The following SPAG17 variants were observed in gnomAD, a reference collection of about 807,000 sequenced individuals.
SPAG17 encodes sperm associated antigen 17, also known as sperm-associated antigen 17.
In SPAG17, 169 loss-of-function variants were observed where a neutral mutation model predicts 273.6. The observed-to-expected ratio is 0.62, with a 90% CI of 0.55 to 0.70. SPAG17 has a LOEUF of 0.70. Ranked by LOEUF, SPAG17 falls within the 30% of genes least tolerant of loss-of-function variation. The pLI is 0.00. For missense variants in SPAG17, 2,557 were observed against 2,627.8 expected, an observed-to-expected ratio of 0.97 and a Z score of 0.59; for synonymous variants, 825 against 873.2, an observed-to-expected ratio of 0.94 and a Z score of 0.97.
At chr1:118,146,974 A>G (rs1456256058) in intron 3 of SPAG17, among the ~76,000 whole-genome samples, 1 of 152,030 alleles carries the variant, frequency 6.6e-6, no homozygotes, top group African/African-American at 2.4e-5. Context: ...CCTGCCAACT[A>G]CCCCAGCTAA....
Position 118,039,322 on chromosome 1 carries a change from C to T in SPAG17, c.3289G>A (p.Glu1097Lys), listed in dbSNP as rs199872119. The change falls in exon 23 of 49, where the codon GAA (glutamate) becomes AAA (lysine). Residue 1097 changes from glutamate to lysine, a missense_variant. Glu to Lys is a moderately conservative substitution (Grantham distance 56, BLOSUM62 1). Coordinates refer to ENST00000336338, the MANE Select transcript of SPAG17 (RefSeq NM_206996.4). Reference protein sequence around the residue: ...KGDYYLEEEEEGDEEQSLETE... With the variant: ...KGDYYLEEEEKGDEEQSLETE... Reference sequence around the variant, plus strand: ...TCAAGACTTTGTTCCTCATCTCCTTCTTCTTCCTCTTCTAAATAATAATCC... The same window carrying T: ...TCAAGACTTTGTTCCTCATCTCCTTTTTCTTCCTCTTCTAAATAATAATCC... The T allele has an allele frequency of 5.0e-6, 8 of 1,613,334 alleles. No homozygotes were observed. The Admixed American group carries it at 1.2e-4, about 24-fold the overall frequency.
chr1:118,013,748 A>G (rs544230154), intron 29 of SPAG17, among the ~76,000 whole-genome samples: 1 of 152,322 alleles, frequency 6.6e-6, no homozygotes, highest in East Asian at 1.9e-4. Context: ...GTAACGCCAC[A>G]TAAACAGTGA....
chr1:118,045,759 T>C (rs889237376), intron 20 of SPAG17, among the ~76,000 whole-genome samples: 3 of 151,930 alleles, frequency 2.0e-5, no homozygotes, highest in African/African-American at 7.3e-5. Context: ...CTTGTGGGAG[T>C]GAGTTAATCT....
At chr1:117,990,715 C>T in intron 38 of SPAG17, 146 bp downstream of exon 38, 1 of 494,372 alleles carries the variant, frequency 2.0e-6, no homozygotes, top group Non-Finnish European at 3.7e-6. Flanking sequence ...AAATATAAAC[C>T]ACCACAACAC....
intron 36 of SPAG17, among the ~76,000 whole-genome samples, chr1:117,991,851 C>T (rs892679919): frequency 6.6e-6 from 1 of 152,086 alleles, no homozygotes. Context: ...GTGTAGGATC[C>T]TTTCAGGTAT....
chr1:118,042,663 A>G (rs534001114), intron 20 of SPAG17, among the ~76,000 whole-genome samples: 1 of 152,290 alleles, frequency 6.6e-6, no homozygotes, highest in East Asian at 1.9e-4. Flanking sequence ...CACTTCAGTT[A>G]TGACAGGAAA....
chr1:118,109,002 A>G (rs186488016), intron 4 of SPAG17, among the ~76,000 whole-genome samples: 2 of 152,222 alleles, frequency 1.3e-5, no homozygotes, highest in African/African-American at 4.8e-5. Flanking sequence ...AATATTTTAG[A>G]TCATATTTTA....
At chr1:118,129,803 C>G (rs1657959691) in intron 3 of SPAG17, among the ~76,000 whole-genome samples, 1 of 150,274 alleles carries the variant, frequency 6.7e-6, no homozygotes, top group Admixed American at 6.7e-5. Context: ...TTGTCTTCTT[C>G]TTCTCCCTCT....
chr1:117,973,627 C>A, intron 43 of SPAG17, 66 bp from the exon 44 acceptor site: 1 of 1,513,790 alleles, frequency 6.6e-7, no homozygotes, highest in South Asian at 1.3e-5. Context: ...GAAGTAATAT[C>A]AGAATGTATG....
rs1413663768 is a variant in SPAG17, at chr1:118,051,965, T to A, written c.2814+2037A>T. On this transcript the variant is annotated intron_variant, in intron 20 of 48. Coordinates refer to ENST00000336338, the MANE Select transcript of SPAG17 (RefSeq NM_206996.4). ...TACTATGTATACATATATTACATTA[T>A]GTACATACTACATTATGTATTATGT... 1.5e-5 allele frequency among the ~76,000 whole-genome samples: 2 copies of A among 137,662 alleles called. 1 individual carries two copies. Among genetic ancestry groups the A allele is most frequent in the Non-Finnish European group, 3.1e-5 (2 of 65,516 alleles). The allele number at this position is 137,662 out of a possible 152,430, so 90.3% of individuals were successfully genotyped here.
At chr1:117,975,362 TTTG>T (rs1469289972) in intron 43 of SPAG17, among the ~76,000 whole-genome samples, 7 of 152,346 alleles carry the variant, frequency 4.6e-5, no homozygotes, top group East Asian at 1.9e-4. Flanking sequence ...AATTTCCTTT[TTTG>T]TTGTTGTTCA....
chr1:117,996,223 C>A, intron 34 of SPAG17, 147 bp downstream of exon 34: 1 of 855,954 alleles, frequency 1.2e-6, no homozygotes. Context: ...TTATTCATGT[C>A]AACTTATTTC....
rs5777337 is a variant in SPAG17, at chr1:118,136,801, ATGTG to A, written c.315+13738_315+13741del. 6.9e-3 allele frequency among the ~76,000 whole-genome samples: 1,007 copies of A among 146,150 alleles called. 3 individuals carry two copies. Among genetic ancestry groups the A allele is most frequent in the African/African-American group, 0.012 (488 of 39,784 alleles). Reference sequence around the variant, plus strand: ...AAAGGGGTAAAGTGTGTGTGTGTGTATGTGTGTGTGTGTGTGTGTGTGTGTGTGT... The same window carrying A: ...AAAGGGGTAAAGTGTGTGTGTGTGTATGTGTGTGTGTGTGTGTGTGTGTGT... On this transcript the variant is annotated intron_variant, in intron 3 of 48. Coordinates refer to ENST00000336338, the MANE Select transcript of SPAG17 (RefSeq NM_206996.4).
At chr1:117,966,026 C>T (rs1229214468) in intron 47 of SPAG17, 1 of 152,148 alleles carries the variant, frequency 6.6e-6, no homozygotes, top group East Asian at 1.9e-4. Flanking sequence ...AACTGTAACA[C>T]AAGCAGCACA....
chr1:118,181,439 T>A (rs1252583140), intron 1 of SPAG17, among the ~76,000 whole-genome samples: 1 of 151,946 alleles, frequency 6.6e-6, no homozygotes, highest in East Asian at 1.9e-4. Flanking sequence ...AGGTTGAAAG[T>A]GAGGAACAGA....
chr1:118,096,089 A>G (rs1655685267), intron 7 of SPAG17, among the ~76,000 whole-genome samples: 1 of 152,208 alleles, frequency 6.6e-6, no homozygotes, highest in African/African-American at 2.4e-5. Flanking sequence ...GTGTTTCTAC[A>G]TAGTGACATC....
Position 118,147,263 on chromosome 1 carries a change from C to T in SPAG17, c.315+3280G>A, listed in dbSNP as rs573536050. On this transcript the variant is annotated intron_variant, in intron 3 of 48. Coordinates refer to ENST00000336338, the MANE Select transcript of SPAG17 (RefSeq NM_206996.4). ...ATAGTGCCTGGCACTAGTGCTTTAA[C>T]GAGTATGTTTGTTAATATTCGGTAA... Among the ~76,000 whole-genome samples, 16 of 152,200 alleles carry T rather than the reference C, an allele frequency of 1.1e-4. No homozygotes were observed. The South Asian group carries it at 2.9e-3, about 28-fold the overall frequency.
chr1:118,004,663 T>C (rs1658675508), intron 32 of SPAG17, among the ~76,000 whole-genome samples: 1 of 152,234 alleles, frequency 6.6e-6, no homozygotes, highest in African/African-American at 2.4e-5. Context: ...GCTAAGACCA[T>C]TGGAAAAGCA....
At chr1:118,102,121 G>C (rs1656108931) in intron 4 of SPAG17, among the ~76,000 whole-genome samples, 195 bp from the exon 5 acceptor site, 1 of 152,178 alleles carries the variant, frequency 6.6e-6, no homozygotes, top group Non-Finnish European at 1.5e-5. Flanking sequence ...TTATGCATGA[G>C]GACTGGAGGA....
Sources: gnomAD v4.1 joint callset for allele counts (sites outside exome capture counted in the v4.1 genomes callset) on GRCh38, gnomAD v4.1.1 for gene constraint, MANE v1.5 for transcripts, NCBI Gene and HGNC (gene_info 2026-07-23, HGNC 2026-07-21) for gene names.